Variants in TOP2A observed in about 807,000 individuals in gnomAD.
TOP2A encodes the protein DNA topoisomerase II alpha, also known as DNA topoisomerase 2-alpha.
TOP2A carries 68 observed loss-of-function variants against 187.2 expected under a neutral mutation model. The observed-to-expected ratio is 0.36, with a 90% CI of 0.30 to 0.44. The LOEUF is 0.44. Ranked by LOEUF, TOP2A falls within the 20% of genes least tolerant of loss-of-function variation. The pLI is 1.00. For missense variants in TOP2A, 1,196 were observed against 1,808.7 expected (o/e 0.66, Z 6.14); for synonymous variants, 542 against 593.2 (o/e 0.91, Z 1.25).
chr17:40,416,978 G>C, intron 1 of TOP2A, 83 bp from the exon 2 acceptor site: 1 of 1,206,946 alleles, frequency 8.3e-7, no homozygotes, highest in Non-Finnish European at 1.1e-6. Flanking sequence ...GCCTACCATA[G>C]TGAGATGTCA....
At chr17:40,410,755 TG>T (rs2035311305) in intron 10 of TOP2A, 19 of 417,786 alleles carry the variant, frequency 4.5e-5, no homozygotes, top group South Asian at 3.2e-4. Context: ...TGTTGGAGAG[TG>T]GGGGGCTGCT....
In TOP2A at chr17:40,392,064, A is replaced by C. The variant is rs776266462; in HGVS notation, c.4132+4T>G. 2 of 1,611,728 alleles carry C rather than the reference A, an allele frequency of 1.2e-6. No homozygotes were observed. The highest frequency in any genetic ancestry group is 4.5e-5 in the East Asian group (2 of 44,830). ...TGTCTCACTACTTTTACTTAAATAC[A>C]TACCTGACACGACACTTTTCTGTGG... On this transcript the variant is annotated splice_donor_region_variant and intron_variant, in intron 32 of 34. Coordinates refer to ENST00000423485, the MANE Select transcript of TOP2A (RefSeq NM_001067.4).
At chr17:40,396,029 G>A (rs953163179) in intron 28 of TOP2A, among the ~76,000 whole-genome samples, 1 of 149,570 alleles carries the variant, frequency 6.7e-6, no homozygotes, top group South Asian at 2.1e-4. Context: ...GGCCAGGCTG[G>A]AGTGCAGTGG....
At chr17:40,405,457 G>GTTTT (rs71152667) in intron 16 of TOP2A, among the ~76,000 whole-genome samples, 4 of 129,700 alleles carry the variant, frequency 3.1e-5, no homozygotes, top group Non-Finnish European at 4.7e-5. Flanking sequence ...GACCTTTTTT[G>GTTTT]TTTTTTTTTT....
At chr17:40,401,118 A>T (rs1284232599) in intron 20 of TOP2A, 37 bp from the exon 21 acceptor site, 3 of 1,558,770 alleles carry the variant, frequency 1.9e-6, no homozygotes, top group Non-Finnish European at 2.6e-6. Context: ...TTTTACAAAA[A>T]TACTGAATTT....
chr17:40,410,261 G>T (rs951054851), intron 10 of TOP2A, among the ~76,000 whole-genome samples: 1 of 152,156 alleles, frequency 6.6e-6, no homozygotes, highest in African/African-American at 2.4e-5. Context: ...CAGGTGAAAA[G>T]GATGTATTTC....
At chr17:40,408,169 C>A (rs1211320146) in intron 11 of TOP2A, 45 bp from the exon 12 acceptor site, 5 of 1,416,192 alleles carry the variant, frequency 3.5e-6, no homozygotes, top group South Asian at 1.3e-5. Flanking sequence ...TTTAGTTCAA[C>A]CTCAAATATA....
intron 29 of TOP2A, among the ~76,000 whole-genome samples, chr17:40,394,852 T>C (rs2035069976): frequency 6.6e-6 from 1 of 152,254 alleles, no homozygotes; most frequent in African/African-American, 2.4e-5. Flanking sequence ...AAACTTTGTA[T>C]ACTAGAACCT....
At chr17:40,391,974 GA>G in intron 32 of TOP2A, 93 bp downstream of exon 32, 1 of 1,328,654 alleles carries the variant, frequency 7.5e-7, no homozygotes. Context: ...ATTTCCAAAG[GA>G]AGTACTTGGA....
chr17:40,407,081 T>C (rs2035257205), intron 13 of TOP2A, 139 bp from the exon 14 acceptor site: 1 of 587,082 alleles, frequency 1.7e-6, no homozygotes, highest in Non-Finnish European at 3.0e-6. Flanking sequence ...CTGGCCAACA[T>C]GGTGAAACCC....
intron 7 of TOP2A, 78 bp downstream of exon 7, chr17:40,412,680 GA>G: frequency 1.8e-6 from 2 of 1,135,838 alleles, no homozygotes; most frequent in Non-Finnish European, 2.6e-6. Context: ...AAACATATGG[GA>G]GGGGAAAAAA....
Position 40,416,827 on chromosome 17 carries a change from A to C in TOP2A, c.90T>G (p.Val30=). ...KNEDAKKRLS[V]ERIYQKKTQL... ...GTGTTTTCTTTTGATAGATTCTTTC[A>C]ACAGACAGTCTTTTCTTAGCATCTT... is the stretch of plus-strand genomic sequence containing the variant. The change falls in exon 2 of 35, where the codon GTT becomes GTG. Residue 30 remains valine, a synonymous_variant. Coordinates refer to ENST00000423485, the MANE Select transcript of TOP2A (RefSeq NM_001067.4). 1 of 1,613,208 alleles carries C rather than the reference A, an allele frequency of 6.2e-7. No individual in the cohort carries two copies. The highest frequency in any genetic ancestry group is 8.5e-7 in the Non-Finnish European group (1 of 1,179,546).
At position 40,416,827 on chromosome 17, in the gene TOP2A, AACAG is replaced by A. The variant is rs763792949; in HGVS notation, c.86_89del (p.Ser29LeufsTer27). 6 of 1,613,208 alleles carry A rather than the reference AACAG, an allele frequency of 3.7e-6. No individual in the cohort carries two copies. The highest frequency in any genetic ancestry group is 1.7e-5 in the Admixed American group (1 of 59,948). ...GTGTTTTCTTTTGATAGATTCTTTC[AACAG>A]ACAGTCTTTTCTTAGCATCTTCATT... is the stretch of plus-strand genomic sequence containing the variant. On this transcript the variant is annotated frameshift_variant, in exon 2 of 35. Coordinates refer to ENST00000423485, the MANE Select transcript of TOP2A (RefSeq NM_001067.4). LOFTEE classifies it high-confidence loss of function.
chr17:40,411,862 A>G lies in TOP2A; in HGVS notation c.790-44T>C. 1 of 1,478,322 alleles carries G rather than the reference A, an allele frequency of 6.8e-7. No homozygotes were observed. Among genetic ancestry groups the G allele is most frequent in the East Asian group, 2.3e-5 (1 of 43,740 alleles). The allele number at this position is 1,478,322 out of a possible 1,614,324, so 91.6% of individuals were successfully genotyped here. A position where few individuals can be genotyped will look rare whatever the true frequency, so the allele number is the denominator to read the frequency against. On this transcript the variant is annotated intron_variant, in intron 7 of 34. Coordinates refer to ENST00000423485, the MANE Select transcript of TOP2A (RefSeq NM_001067.4). This position sits in a 1 kb window ranked among gnomAD's most constrained non-coding sequence, Gnocchi z 4.4. ...TAACAGTATTAAGAAAGTTATTAAA[A>G]AATAGGTTCAATGATAGACTATGAG...
rs767816690 is a variant in TOP2A, at chr17:40,389,513, C to T, written c.*6G>A. ...AGATAATTACTTAAAATAATCGCCTCACATTTTAAAACAGATCATCTTCAT... is the reference window on the plus strand; with the variant it reads ...AGATAATTACTTAAAATAATCGCCTTACATTTTAAAACAGATCATCTTCAT... On this transcript the variant is annotated 3_prime_UTR_variant, in exon 35 of 35. Transcript: ENST00000423485. 1.3e-6 allele frequency: 2 copies of T among 1,581,348 alleles called. No individual in the cohort carries two copies. The highest frequency in any genetic ancestry group is 4.6e-5 in the East Asian group (2 of 43,870).
intron 25 of TOP2A, 33 bp from the exon 26 acceptor site, chr17:40,398,970 A>C (rs766554507): frequency 6.2e-7 from 1 of 1,600,830 alleles, no homozygotes; most frequent in Non-Finnish European, 8.5e-7. Context: ...GCTTTATTAG[A>C]AAATGTGAAA....
Position 40,395,444 on chromosome 17 carries a change from A to C in TOP2A, c.3811+5T>G, listed in dbSNP as rs754655553. 1.3e-6 allele frequency: 2 copies of C among 1,588,590 alleles called. No individual in the cohort carries two copies. Among genetic ancestry groups the C allele is most frequent in the South Asian group, 2.2e-5 (2 of 89,132 alleles). On this transcript the variant is annotated splice_donor_5th_base_variant and intron_variant, in intron 29 of 34. Transcript: ENST00000423485. ...TATACCATTTTTCTAAAAATGTTGT[A>C]ATACCTGGTTCTCTTTTCTGTTTCT...
rs2035276323 is a variant in TOP2A at position 40,408,529 on chromosome 17, G to A, written c.1305C>T (p.Ile435=). Residue 435 remains isoleucine (I), a synonymous_variant, in exon 11 of 35, where the codon ATC becomes ATT. Transcript: ENST00000423485. ...KKCSAVKHNR[I]KGIPKLDDAN... is the part of the protein sequence containing the mutation. The stretch of plus-strand genomic sequence containing the variant: ...CATCATCGAGTTTGGGAATTCCCTT[G>A]ATTCTATTATGTTTTACAGCTGAAC... 6.2e-7 allele frequency: 1 copy of A among 1,613,574 alleles called. No individual in the cohort carries two copies. The highest frequency in any genetic ancestry group is 2.2e-5 in the East Asian group (1 of 44,852).
Position 40,400,072 on chromosome 17 carries a change from A to G in TOP2A, c.3001-5T>C, listed in dbSNP as rs2035156189. 6.2e-7 allele frequency: 1 copy of G among 1,601,980 alleles called. No individual in the cohort carries two copies. The highest frequency in any genetic ancestry group is 1.1e-5 in the South Asian group (1 of 88,736). ...GCCTACGTGGTCAAAAAGCACCTGAAAAAGGAAAACAAGATTAGAGCCAAG... is the reference window on the plus strand; with the variant it reads ...GCCTACGTGGTCAAAAAGCACCTGAGAAAGGAAAACAAGATTAGAGCCAAG... On this transcript the variant is annotated splice_polypyrimidine_tract_variant and splice_region_variant and intron_variant, in intron 23 of 34. Transcript: ENST00000423485.
Sources: gnomAD v4.1 joint callset for allele counts (sites outside exome capture counted in the v4.1 genomes callset) on GRCh38, gnomAD v4.1.1 for gene constraint, Gnocchi (gnomAD v3.1) non-coding constraint, MANE v1.5 for transcripts, NCBI Gene and HGNC (gene_info 2026-07-23, HGNC 2026-07-21) for gene names.